PRKCZ: variants seen among roughly 807,000 people sequenced by gnomAD.
PRKCZ encodes the protein protein kinase C zeta.
Under a neutral mutation model 79.5 loss-of-function variants are expected in PRKCZ, and 33 were observed. That is an observed-to-expected ratio of 0.41 (90% CI 0.31 to 0.55). The LOEUF (loss-of-function observed/expected upper bound fraction) is 0.55. Ranked by LOEUF, PRKCZ falls within the 20% of genes least tolerant of loss-of-function variation. The pLI is 0.19. For synonymous variants in PRKCZ, 342 were observed against 320.9 expected (o/e 1.07, Z -0.70); for missense variants, 578 against 813.5 (o/e 0.71, Z 3.52).
intron 6 of PRKCZ, chr1:2,144,864 G>A (rs1197046587): frequency 1.2e-5 from 2 of 160,642 alleles, no homozygotes; most frequent in Admixed American, 6.4e-5. Context: ...CTTATTGAAG[G>A]CTGCCTCTGG....
At chr1:2,101,816 C>T (rs1003055110) in intron 4 of PRKCZ, among the ~76,000 whole-genome samples, 4 of 152,162 alleles carry the variant, frequency 2.6e-5, no homozygotes, top group African/African-American at 4.8e-5. Flanking sequence ...GTAGTGGATG[C>T]GTGATCGAGA....
In PRKCZ at chr1:2,173,008, T is replaced by G. The variant is rs1238994863; in HGVS notation, c.1285+620T>G. ...GGACGTGGGCACGCGTGTGCAGCCC[T>G]GTGTGCGTGTGTGCCGTTGGGCTGA... is the stretch of plus-strand genomic sequence containing the variant. On this transcript the variant is annotated intron_variant, in intron 13 of 17. Transcript: ENST00000378567. The surrounding 1 kb of genome is among the most constrained non-coding windows in gnomAD (Gnocchi z 5.7). Among the ~76,000 whole-genome samples the G allele has an allele frequency of 1.3e-5, 2 of 152,116 alleles. No individual in the cohort carries two copies. The highest frequency in any genetic ancestry group is 2.9e-5 in the Non-Finnish European group (2 of 68,032).
intron 4 of PRKCZ, among the ~76,000 whole-genome samples, chr1:2,117,865 C>G (rs545075090): frequency 6.6e-6 from 1 of 151,956 alleles, no homozygotes; most frequent in South Asian, 2.1e-4. Flanking sequence ...AATGGTAGAC[C>G]GATGGCATTC....
At chr1:2,137,506 C>T (rs1028989706) in intron 5 of PRKCZ, among the ~76,000 whole-genome samples, 5 of 152,342 alleles carry the variant, frequency 3.3e-5, no homozygotes, top group East Asian at 1.9e-4. Flanking sequence ...CTCCTTCCCC[C>T]GCAGCCACTG....
At chr1:2,102,773 G>A (rs889063577) in intron 4 of PRKCZ, among the ~76,000 whole-genome samples, 4 of 152,110 alleles carry the variant, frequency 2.6e-5, no homozygotes, top group Admixed American at 6.5e-5. Context: ...ACTCTCCTGC[G>A]TCACGGATTG....
At chr1:2,170,001 C>A (rs1429418563) in intron 11 of PRKCZ, among the ~76,000 whole-genome samples, 2 of 152,132 alleles carry the variant, frequency 1.3e-5, no homozygotes, top group Middle Eastern at 3.4e-3. Flanking sequence ...TCAGACCAGT[C>A]CCCCAGGCCC....
chr1:2,061,187 A>G (rs13303273), intron 4 of PRKCZ, among the ~76,000 whole-genome samples: 17,442 of 152,208 alleles, frequency 0.11, 1,185 homozygotes, highest in South Asian at 0.17. Flanking sequence ...GTGCACTCCC[A>G]GAGGTATCCA....
chr1:2,111,700 C>T (rs942757065), intron 4 of PRKCZ: 1 of 152,378 alleles, frequency 6.6e-6, no homozygotes, highest in African/African-American at 2.4e-5. Flanking sequence ...CCCTCCAGCC[C>T]GCACCCTCGA....
At chr1:2,067,567 G>A (rs28403969) in intron 4 of PRKCZ, among the ~76,000 whole-genome samples, 20,493 of 152,176 alleles carry the variant, frequency 0.13, 1,512 homozygotes, top group Middle Eastern at 0.24. Context: ...ATCGGGCGGT[G>A]GAGCTGGGGT....
intron 11 of PRKCZ, among the ~76,000 whole-genome samples, chr1:2,171,376 T>G (rs1684402569): frequency 6.7e-6 from 1 of 150,264 alleles, no homozygotes; most frequent in Non-Finnish European, 1.5e-5. Flanking sequence ...TTTAATTTTT[T>G]TTTTTTTTTG....
At chr1:2,154,246 C>T (rs900662504) in intron 9 of PRKCZ, among the ~76,000 whole-genome samples, 2 of 151,930 alleles carry the variant, frequency 1.3e-5, no homozygotes, top group South Asian at 2.1e-4. Context: ...CCTGGGGTGG[C>T]GTGAGATACC....
intron 4 of PRKCZ, among the ~76,000 whole-genome samples, chr1:2,117,890 G>A (rs914676928): frequency 7.9e-5 from 12 of 151,446 alleles, no homozygotes; most frequent in South Asian, 2.1e-4. Context: ...AGTGTGCCTC[G>A]TTTGGTTGTG....
rs1685838412 is a variant in PRKCZ at position 2,178,143 on chromosome 1, A to G, written c.1575+2830A>G. ...TGGTTCTGAGCAATCCCAGAGTTACATGACGTCATCGCGATCACTTTCATC... is the reference window on the plus strand; with the variant it reads ...TGGTTCTGAGCAATCCCAGAGTTACGTGACGTCATCGCGATCACTTTCATC... On this transcript the variant is annotated intron_variant, in intron 16 of 17. Transcript: ENST00000378567. The surrounding 1 kb of genome is among the most constrained non-coding windows in gnomAD (Gnocchi z 4.3). 6.6e-6 allele frequency among the ~76,000 whole-genome samples: 1 copy of G among 152,200 alleles called. No individual in the cohort carries two copies.
chr1:2,172,005 C>A lies in PRKCZ; in HGVS notation c.1062-50C>A, dbSNP rs200979221. 1.3e-6 allele frequency: 2 copies of A among 1,540,398 alleles called. No individual in the cohort carries two copies. Among genetic ancestry groups the A allele is most frequent in the South Asian group, 1.2e-5 (1 of 80,408 alleles). The stretch of plus-strand genomic sequence containing the variant: ...GTGGCCCCCAGGCTGGAGCTGTTGG[C>A]GCAGCCTCTGGCACAGGCACTGCCC... On this transcript the variant is annotated intron_variant, in intron 11 of 17. Transcript: ENST00000378567. The surrounding 1 kb of genome is among the most constrained non-coding windows in gnomAD (Gnocchi z 7.8).
In PRKCZ at chr1:2,050,529, G is replaced by A. The variant is rs572047722; in HGVS notation, c.-102G>A. On this transcript the variant is annotated 5_prime_UTR_variant, in exon 1 of 18. Coordinates refer to ENST00000378567, the MANE Select transcript of PRKCZ (RefSeq NM_002744.6). ...CGGGTCGGCGCCGTCGGTCCTGAGCGCTGCCTTCCGCGTTCCGCCGCGGCC... is the reference window on the plus strand; with the variant it reads ...CGGGTCGGCGCCGTCGGTCCTGAGCACTGCCTTCCGCGTTCCGCCGCGGCC... The A allele has an allele frequency of 1.1e-4, 81 of 711,852 alleles. No individual in the cohort carries two copies. Among genetic ancestry groups the A allele is most frequent in the African/African-American group, 7.5e-4 (40 of 53,410 alleles). The allele number at this position is 711,852 out of a possible 1,614,324, so 44.1% of individuals were successfully genotyped here. A position where few individuals can be genotyped will look rare whatever the true frequency, so the allele number is the denominator to read the frequency against.
At chr1:2,110,725 G>A (rs1269159208) in intron 4 of PRKCZ, among the ~76,000 whole-genome samples, 1 of 151,922 alleles carries the variant, frequency 6.6e-6, no homozygotes, top group Non-Finnish European at 1.5e-5. Context: ...GTGAGTGTGG[G>A]TGGGGTGGGC....
chr1:2,060,878 C>T (rs1038422638), intron 4 of PRKCZ, among the ~76,000 whole-genome samples: 4 of 152,210 alleles, frequency 2.6e-5, no homozygotes, highest in African/African-American at 4.8e-5. Context: ...TGATCACCTA[C>T]GCAGCTGCCC....
chr1:2,109,469 T>G (rs1669276364), intron 4 of PRKCZ, among the ~76,000 whole-genome samples: 1 of 152,188 alleles, frequency 6.6e-6, no homozygotes, highest in African/African-American at 2.4e-5. Flanking sequence ...TGTCCTGAGA[T>G]CAGGTGTGGT....
intron 16 of PRKCZ, among the ~76,000 whole-genome samples, chr1:2,179,860 C>T (rs1686205541): frequency 6.6e-6 from 1 of 152,042 alleles, no homozygotes; most frequent in South Asian, 2.1e-4. Flanking sequence ...GGGAGGAACC[C>T]AGCCACGTTG....
Sources: allele counts gnomAD v4.1 joint callset (sites outside exome capture counted in the v4.1 genomes callset), GRCh38; gene constraint gnomAD v4.1.1; non-coding constraint Gnocchi (gnomAD v3.1); transcripts MANE v1.5; gene names NCBI Gene and HGNC (gene_info 2026-07-23, HGNC 2026-07-21).